The following TRHDE variants were observed in gnomAD, a reference collection of about 807,000 sequenced individuals.
TRHDE encodes the protein thyrotropin-releasing hormone-degrading ectoenzyme.
A neutral mutation model predicts 125.7 loss-of-function variants in TRHDE; 72 were observed. That is an observed-to-expected ratio of 0.57 (90% CI 0.47 to 0.70). The LOEUF (loss-of-function observed/expected upper bound fraction) is 0.70, where lower values mean the gene tolerates loss of function less well. TRHDE is among the 30% of genes least tolerant of loss of function. The pLI, the probability that TRHDE is intolerant of heterozygous loss-of-function variation, is 0.00. For missense variants in TRHDE, 1,110 were observed against 1,327.1 expected, an observed-to-expected ratio of 0.84 and a Z score of 2.54; for synonymous variants, 509 against 509.1, an observed-to-expected ratio of 1.00 and a Z score of 0.00.
intron 5 of TRHDE, among the ~76,000 whole-genome samples, chr12:72,488,885 A>G (rs1275776061): frequency 1.3e-5 from 2 of 151,882 alleles, no homozygotes; most frequent in Non-Finnish European, 2.9e-5. Flanking sequence ...AAATTAAACA[A>G]CATGCTTCTG....
chr12:72,450,205 A>G (rs987914069), intron 3 of TRHDE, among the ~76,000 whole-genome samples: 3 of 151,876 alleles, frequency 2.0e-5, no homozygotes, highest in Non-Finnish European at 2.9e-5. Context: ...ATGCCTCTAT[A>G]TTTTACATAG....
intron 3 of TRHDE, among the ~76,000 whole-genome samples, chr12:72,467,406 C>T (rs539345968): frequency 6.6e-6 from 1 of 152,290 alleles, no homozygotes; most frequent in African/African-American, 2.4e-5. Context: ...AATTCTTCAA[C>T]TATTTGCTCA....
At chr12:72,495,470 C>G (rs1375571059) in intron 5 of TRHDE, among the ~76,000 whole-genome samples, 1 of 152,040 alleles carries the variant, frequency 6.6e-6, no homozygotes, top group African/African-American at 2.4e-5. Context: ...CCCCATTTAT[C>G]TGAGTAAACA....
At chr12:72,436,195 A>G (rs1005483908) in intron 3 of TRHDE, among the ~76,000 whole-genome samples, 1 of 151,992 alleles carries the variant, frequency 6.6e-6, no homozygotes, top group Non-Finnish European at 1.5e-5. Context: ...TCTTAAGGTG[A>G]ACATGCTCTT....
intron 7 of TRHDE, among the ~76,000 whole-genome samples, chr12:72,555,152 G>A (rs536535877): frequency 1.5e-4 from 23 of 152,212 alleles, no homozygotes; most frequent in Admixed American, 4.6e-4. Flanking sequence ...GTGGAGTAAT[G>A]GATTTGTATA....
In TRHDE at chr12:72,238,339, TTATATA is replaced by T. The variant is rs1252345327; in HGVS notation, n.279+132606_279+132611del. On this transcript the variant is annotated intron_variant and non_coding_transcript_variant, in intron 2 of 4. Transcript: ENST00000548156. Reference sequence around the variant, plus strand: ...ATATATATACATATATATATACACATTATATATATATATATATATATATACACATAC... The same window carrying T: ...ATATATATACATATATATATACACATTATATATATATATATATACACATAC... Among the ~76,000 whole-genome samples, 17 of 21,156 alleles carry T rather than the reference TTATATA, an allele frequency of 8.0e-4. 1 individual carries two copies. Among genetic ancestry groups the T allele is most frequent in the Non-Finnish European group, 9.8e-4 (9 of 9,138 alleles). The allele number at this position is 21,156 out of a possible 152,430, so 13.9% of individuals were successfully genotyped here.
chr12:72,464,124 G>A (rs1265539583), intron 3 of TRHDE, among the ~76,000 whole-genome samples: 1 of 152,198 alleles, frequency 6.6e-6, no homozygotes, highest in Non-Finnish European at 1.5e-5. Flanking sequence ...CACACTGGGG[G>A]CCTATCAAAT....
intron 3 of TRHDE, among the ~76,000 whole-genome samples, chr12:72,421,820 A>G (rs1873967385): frequency 6.6e-6 from 1 of 152,164 alleles, no homozygotes. Flanking sequence ...AGACTCATCT[A>G]TGTTGGTAGA....
intron 2 of TRHDE, among the ~76,000 whole-genome samples, chr12:72,299,147 T>C (rs1308206426): frequency 6.6e-6 from 1 of 152,180 alleles, no homozygotes; most frequent in Non-Finnish European, 1.5e-5. Context: ...TGTTGAGATA[T>C]ATTAATATTT....
chr12:72,621,666 A>C lies in TRHDE; in HGVS notation c.2590A>C (p.Met864Leu). ...QHEELRREVI[M>L]LACSFGNKHC... is the part of the protein sequence containing the mutation. ...TAGAGAACTACGTAGAGAAGTTATA[A>C]TGCTGGCCTGCAGTTTTGGCAACAA... The change falls in exon 15 of 19, where the codon ATG becomes CTG. Residue 864 changes from methionine (M) to leucine (L), a missense_variant. Met to Leu is a conservative substitution (Grantham distance 15). Transcript: ENST00000261180. The C allele has an allele frequency of 6.2e-7, 1 of 1,607,760 alleles. No individual in the cohort carries two copies. The highest frequency in any genetic ancestry group is 8.5e-7 in the Non-Finnish European group (1 of 1,178,070).
At chr12:72,489,476 C>T (rs756638554) in intron 5 of TRHDE, among the ~76,000 whole-genome samples, 7 of 151,598 alleles carry the variant, frequency 4.6e-5, no homozygotes, top group Admixed American at 2.0e-4. Flanking sequence ...GCATTATGCA[C>T]AGAAATAGAA....
chr12:72,573,543 C>G (rs571250093), intron 10 of TRHDE, among the ~76,000 whole-genome samples: 2 of 151,926 alleles, frequency 1.3e-5, no homozygotes, highest in South Asian at 4.1e-4. Flanking sequence ...TTATTTGTCC[C>G]TCAGGTTACA....
chr12:72,497,525 C>T (rs1877972354), intron 5 of TRHDE, among the ~76,000 whole-genome samples: 1 of 152,066 alleles, frequency 6.6e-6, no homozygotes, highest in Non-Finnish European at 1.5e-5. Context: ...CAGGCAATTG[C>T]TGTTTAAATG....
chr12:72,195,004 G>A (rs1010654802), intron 2 of TRHDE, among the ~76,000 whole-genome samples: 5 of 152,062 alleles, frequency 3.3e-5, no homozygotes, highest in African/African-American at 1.2e-4. Context: ...CAGGGCTGGG[G>A]TGGCCTCAGG....
rs1282038739 is a variant in TRHDE, at chr12:72,669,309, A to G, written c.*6114A>G. 2.0e-5 allele frequency: 3 copies of G among 151,832 alleles called. No individual in the cohort carries two copies. Among genetic ancestry groups the G allele is most frequent in the Admixed American group, 6.6e-5 (1 of 15,186 alleles). 9.4% of individuals were successfully genotyped at this position (151,832 alleles called of 1,614,324 possible). A position where few individuals can be genotyped will look rare whatever the true frequency, so the allele number is the denominator to read the frequency against. ...TCTGTCATTCTGCTTAGAAGTATACATGGACTGCAATTGCTTAATTTACTT... is the reference window on the plus strand; with the variant it reads ...TCTGTCATTCTGCTTAGAAGTATACGTGGACTGCAATTGCTTAATTTACTT... On this transcript the variant is annotated 3_prime_UTR_variant, in exon 19 of 19. Transcript: ENST00000261180.
intron 5 of TRHDE, among the ~76,000 whole-genome samples, chr12:72,490,089 A>G (rs1490668296): frequency 1.3e-5 from 2 of 151,996 alleles, no homozygotes; most frequent in East Asian, 3.9e-4. Context: ...CCAGCCATAT[A>G]TCTGATAAGG....
chr12:72,100,606 G>T (rs11179079), intron 1 of TRHDE, among the ~76,000 whole-genome samples: 11,111 of 152,180 alleles, frequency 0.073, 629 homozygotes, highest in East Asian at 0.27. Flanking sequence ...TTCCTCTGAG[G>T]GAGAAGATAG....
At chr12:72,560,787 C>A (rs1461596834) in intron 7 of TRHDE, 1 of 152,204 alleles carries the variant, frequency 6.6e-6, no homozygotes, top group Non-Finnish European at 1.5e-5. Flanking sequence ...GATCATACTA[C>A]TACACTCCAG....
chr12:72,422,500 G>T (rs1874000754), intron 3 of TRHDE, among the ~76,000 whole-genome samples: 1 of 152,112 alleles, frequency 6.6e-6, no homozygotes, highest in Non-Finnish European at 1.5e-5. Flanking sequence ...ATTAAGATAG[G>T]AATAGTAATT....
Sources: allele counts gnomAD v4.1 joint callset (sites outside exome capture counted in the v4.1 genomes callset), GRCh38; gene constraint gnomAD v4.1.1; transcripts MANE v1.5; gene names NCBI Gene and HGNC (gene_info 2026-07-23, HGNC 2026-07-21).